PDE8B: variants seen among roughly 807,000 people sequenced by gnomAD.
PDE8B encodes phosphodiesterase 8B, also known as high affinity cAMP-specific and IBMX-insensitive 3',5'-cyclic phosphodiesterase 8B.
PDE8B carries 26 observed loss-of-function variants against 101.3 expected under a neutral mutation model. That is an observed-to-expected ratio of 0.26 (90% CI 0.19 to 0.36). The LOEUF is 0.36. Among genes scored for constraint, PDE8B ranks in the 10% least tolerant of loss-of-function variants. The pLI is 1.00. For synonymous variants in PDE8B, 424 were observed against 429.3 expected, an observed-to-expected ratio of 0.99 and a Z score of 0.15; for missense variants, 810 against 1,163.1, an observed-to-expected ratio of 0.70 and a Z score of 4.42.
intron 10 of PDE8B, among the ~76,000 whole-genome samples, chr5:77,390,392 T>C (rs945476185): frequency 6.6e-6 from 1 of 152,232 alleles, no homozygotes; most frequent in Admixed American, 6.5e-5. Flanking sequence ...CTTCGAGCTC[T>C]GGCAAAGAGC....
intron 17 of PDE8B, among the ~76,000 whole-genome samples, chr5:77,415,155 G>A (rs1795267630): frequency 6.6e-6 from 1 of 152,122 alleles, no homozygotes. Flanking sequence ...GAACTGAGCT[G>A]GAAGGGGTTT....
At chr5:77,422,881 G>A (rs1359117696) in intron 20 of PDE8B, among the ~76,000 whole-genome samples, 1 of 152,190 alleles carries the variant, frequency 6.6e-6, no homozygotes, top group Non-Finnish European at 1.5e-5. Context: ...AGCCCAGTAT[G>A]TTTAAGATTT....
chr5:77,272,822 TA>T lies in PDE8B; in HGVS notation c.340-39171del, dbSNP rs1490778220. On this transcript the variant is annotated intron_variant, in intron 1 of 21. Transcript: ENST00000264917. The stretch of plus-strand genomic sequence containing the variant: ...CAAGAGCCATATGGAAGTGGTCAAC[TA>T]GGAGGTTTCTGTGCTGGGAAGGGAG... Among the ~76,000 whole-genome samples, 30 of 152,222 alleles carry T rather than the reference TA, an allele frequency of 2.0e-4. No individual in the cohort carries two copies. In the Middle Eastern group the frequency reaches 0.01, roughly 52 times the overall value.
At chr5:77,235,583 A>G (rs1003717114) in intron 1 of PDE8B, among the ~76,000 whole-genome samples, 3 of 152,052 alleles carry the variant, frequency 2.0e-5, no homozygotes, top group Middle Eastern at 3.4e-3. Context: ...AGGTCCTTAC[A>G]CTCATAGTGC....
Position 77,274,454 on chromosome 5 carries a change from C to T in PDE8B, c.340-37540C>T, listed in dbSNP as rs568597104. ...CATTCATTCCACTGACATATTCATT[C>T]ATTCCACAAGTAGTTATTGAGCATC... On this transcript the variant is annotated intron_variant, in intron 1 of 21. Coordinates refer to ENST00000264917, the MANE Select transcript of PDE8B (RefSeq NM_003719.5). Among the ~76,000 whole-genome samples the T allele has an allele frequency of 3.3e-5, 5 of 152,318 alleles. No homozygotes were observed. The South Asian group carries it at 1.0e-3, about 32-fold the overall frequency.
chr5:77,270,773 G>A (rs1260645650), intron 1 of PDE8B, among the ~76,000 whole-genome samples: 2 of 152,176 alleles, frequency 1.3e-5, no homozygotes, highest in Non-Finnish European at 2.9e-5. Context: ...ACTTCCTTCT[G>A]GGAAGAAGCA....
chr5:77,245,354 T>C (rs1756636469), intron 1 of PDE8B, among the ~76,000 whole-genome samples: 1 of 152,226 alleles, frequency 6.6e-6, no homozygotes, highest in African/African-American at 2.4e-5. Flanking sequence ...GAAGAGTACA[T>C]TGAAACCAAA....
intron 1 of PDE8B, among the ~76,000 whole-genome samples, chr5:77,263,520 A>G (rs1278115460): frequency 1.3e-5 from 2 of 152,210 alleles, no homozygotes; most frequent in Non-Finnish European, 2.9e-5. Context: ...CTCTACTGAA[A>G]AATGAAATTA....
intron 10 of PDE8B, among the ~76,000 whole-genome samples, chr5:77,395,767 C>T (rs1790919554): frequency 6.8e-6 from 1 of 147,686 alleles, no homozygotes; most frequent in South Asian, 2.3e-4. Flanking sequence ...CATGCTTAAC[C>T]ACAGCATTTA....
intron 6 of PDE8B, among the ~76,000 whole-genome samples, chr5:77,343,285 C>T (rs1299222167): frequency 6.6e-6 from 1 of 152,082 alleles, no homozygotes; most frequent in Non-Finnish European, 1.5e-5. Context: ...AGAAATGTGT[C>T]GTTGGATGAT....
chr5:77,398,860 A>G (rs1472114858), intron 10 of PDE8B, among the ~76,000 whole-genome samples: 2 of 152,098 alleles, frequency 1.3e-5, no homozygotes, highest in Non-Finnish European at 2.9e-5. Flanking sequence ...GATTTCCTCC[A>G]TTTTTTGGTC....
chr5:77,386,865 CTTTTTTTTTTTT>C lies in PDE8B; in HGVS notation c.1168-13365_1168-13354del, dbSNP rs59393259. Among the ~76,000 whole-genome samples the C allele has an allele frequency of 3.3e-4, 17 of 51,084 alleles. No individual in the cohort carries two copies. The South Asian group carries it at 8.4e-3, about 25-fold the overall frequency. 33.5% of individuals were successfully genotyped at this position (51,084 alleles called of 152,430 possible). On this transcript the variant is annotated intron_variant, in intron 10 of 21. Transcript: ENST00000264917. ...TTTTGCCTGTTAGTTGATGTAGTTT[CTTTTTTTTTTTT>C]TTTTTTTTTTTTTTTTTGAGACGGA...
chr5:77,130,376 C>T, the PDE8B span, among the ~76,000 whole-genome samples: 3 of 152,090 alleles, frequency 2.0e-5, no homozygotes, highest in Admixed American at 2.0e-4. Context: ...CGTTAGTTCT[C>T]CTTCCTGGGA....
At chr5:77,176,153 G>A in the PDE8B span, among the ~76,000 whole-genome samples, 1 of 152,098 alleles carries the variant, frequency 6.6e-6, no homozygotes, top group Non-Finnish European at 1.5e-5. Flanking sequence ...GCACGTCCAG[G>A]GTGACCAGAA....
rs540345786 is a variant in PDE8B at position 77,337,910 on chromosome 5, G to A, written c.797+595G>A. Among the ~76,000 whole-genome samples the A allele has an allele frequency of 2.6e-5, 4 of 152,312 alleles. No individual in the cohort carries two copies. The South Asian group carries it at 8.3e-4, about 32-fold the overall frequency. ...GGCTGCTGGCCAGAATGCTGGGCTG[G>A]GGGATGTTCTGCTCCTGGGCCCTCT... On this transcript the variant is annotated intron_variant, in intron 6 of 21. Transcript: ENST00000264917.
intron 1 of PDE8B, among the ~76,000 whole-genome samples, chr5:77,256,889 T>C (rs945448245): frequency 1.3e-5 from 2 of 152,222 alleles, no homozygotes; most frequent in Admixed American, 1.3e-4. Flanking sequence ...ATGCTTTTTC[T>C]TGATTATTTT....
At chr5:77,284,518 A>G (rs1002898595) in intron 1 of PDE8B, among the ~76,000 whole-genome samples, 1 of 152,222 alleles carries the variant, frequency 6.6e-6, no homozygotes, top group Non-Finnish European at 1.5e-5. Flanking sequence ...TATGCAAACA[A>G]AAGTTTAAAA....
At chr5:77,369,558 T>C (rs1197414686) in intron 10 of PDE8B, among the ~76,000 whole-genome samples, 1 of 152,194 alleles carries the variant, frequency 6.6e-6, no homozygotes, top group Non-Finnish European at 1.5e-5. Context: ...AATAATATTT[T>C]ATTGAGTGTT....
intron 10 of PDE8B, among the ~76,000 whole-genome samples, chr5:77,381,618 G>GTTT (rs140446995): frequency 2.7e-5 from 4 of 150,186 alleles, no homozygotes; most frequent in Non-Finnish European, 4.5e-5. Flanking sequence ...TTTTGTTTTT[G>GTTT]TTTTTTTTTA....
Sources: gnomAD v4.1 joint callset for allele counts (sites outside exome capture counted in the v4.1 genomes callset) on GRCh38, gnomAD v4.1.1 for gene constraint, MANE v1.5 for transcripts, NCBI Gene and HGNC (gene_info 2026-07-23, HGNC 2026-07-21) for gene names.